HPSE2: variants seen among roughly 807,000 people sequenced by gnomAD.
The protein encoded by HPSE2 is inactive heparanase-2.
In HPSE2, 38 loss-of-function variants were observed where a neutral mutation model predicts 60.5. The ratio of observed to expected loss-of-function variants is 0.63; its 90% CI spans 0.48 to 0.82. The LOEUF is 0.82. Ranked by LOEUF, HPSE2 falls within the 40% of genes least tolerant of loss-of-function variation. The pLI is 0.00. For missense variants in HPSE2, 713 were observed against 740.4 expected, an observed-to-expected ratio of 0.96 and a Z score of 0.43; for synonymous variants, 295 against 293.2, an observed-to-expected ratio of 1.01 and a Z score of -0.06.
intron 9 of HPSE2, among the ~76,000 whole-genome samples, chr10:98,514,251 T>C (rs1942516348): frequency 6.6e-6 from 1 of 152,142 alleles, no homozygotes; most frequent in Non-Finnish European, 1.5e-5. Flanking sequence ...AGAATAAGGT[T>C]ACCAAAGGTG....
intron 1 of HPSE2, among the ~76,000 whole-genome samples, chr10:99,234,121 T>G (rs900288064): frequency 6.6e-6 from 1 of 152,230 alleles, no homozygotes; most frequent in Non-Finnish European, 1.5e-5. Context: ...CGCGCTCTGC[T>G]GCACGAAAGA....
intron 5 of HPSE2, among the ~76,000 whole-genome samples, chr10:98,710,495 G>A (rs749255312): frequency 1.3e-5 from 2 of 152,070 alleles, no homozygotes; most frequent in Non-Finnish European, 2.9e-5. Flanking sequence ...GAATTAAGAT[G>A]GGTGAGACTC....
the HPSE2 span, among the ~76,000 whole-genome samples, chr10:99,296,946 A>G: frequency 1.3e-5 from 2 of 152,302 alleles, 1 homozygote; most frequent in South Asian, 4.2e-4. Flanking sequence ...GGAAGGCAGG[A>G]CAGCAGTCAG....
At chr10:98,546,064 G>T (rs1018609931) in intron 9 of HPSE2, among the ~76,000 whole-genome samples, 1 of 129,632 alleles carries the variant, frequency 7.7e-6, no homozygotes, top group African/African-American at 2.7e-5. Context: ...TTGCTTCAAA[G>T]AGAATAAAAT....
intron 3 of HPSE2, among the ~76,000 whole-genome samples, chr10:98,755,909 C>A (rs549395927): frequency 6.6e-6 from 1 of 152,176 alleles, no homozygotes; most frequent in African/African-American, 2.4e-5. Flanking sequence ...GGTGAGAGAA[C>A]TGCTTGAACC....
At chr10:98,701,913 T>C (rs1948421349) in intron 5 of HPSE2, among the ~76,000 whole-genome samples, 1 of 152,190 alleles carries the variant, frequency 6.6e-6, no homozygotes, top group African/African-American at 2.4e-5. Flanking sequence ...GTGTGCAAAA[T>C]AACCAGATAG....
At chr10:99,123,542 A>G (rs1413248493) in intron 3 of HPSE2, among the ~76,000 whole-genome samples, 1 of 152,152 alleles carries the variant, frequency 6.6e-6, no homozygotes, top group East Asian at 1.9e-4. Flanking sequence ...TGCCCACAAC[A>G]AGGCAAGTGG....
intron 2 of HPSE2, among the ~76,000 whole-genome samples, chr10:99,165,642 G>A (rs1056193559): frequency 6.6e-6 from 1 of 151,936 alleles, no homozygotes; most frequent in Non-Finnish European, 1.5e-5. Context: ...CACCTCCTGG[G>A]TTCAAGTGAT....
intron 3 of HPSE2, among the ~76,000 whole-genome samples, chr10:99,082,409 T>C (rs1230001256): frequency 6.6e-6 from 1 of 152,210 alleles, no homozygotes; most frequent in Admixed American, 6.5e-5. Flanking sequence ...TTTCATATCT[T>C]TGTTAAGGCT....
chr10:98,598,730 G>C (rs1945315702), intron 9 of HPSE2, among the ~76,000 whole-genome samples: 1 of 151,802 alleles, frequency 6.6e-6, no homozygotes, highest in Non-Finnish European at 1.5e-5. Context: ...GATCTACTTG[G>C]GTGGGTCTTG....
At chr10:99,130,221 C>T (rs1845329866) in intron 3 of HPSE2, among the ~76,000 whole-genome samples, 1 of 151,994 alleles carries the variant, frequency 6.6e-6, no homozygotes, top group African/African-American at 2.4e-5. Context: ...TGGTAGCAAT[C>T]CTACTGACAC....
intron 9 of HPSE2, among the ~76,000 whole-genome samples, chr10:98,541,967 T>C (rs1943481512): frequency 6.7e-6 from 1 of 149,732 alleles, no homozygotes; most frequent in African/African-American, 2.4e-5. Context: ...AAGAGAGCAG[T>C]GGTTCTCCCA....
At chr10:99,276,939 C>T in the HPSE2 span, among the ~76,000 whole-genome samples, 1 of 152,276 alleles carries the variant, frequency 6.6e-6, no homozygotes, top group East Asian at 1.9e-4. Context: ...ACCATTTATA[C>T]TTCTGTCACC....
chr10:98,531,967 G>A (rs940028646), intron 9 of HPSE2, among the ~76,000 whole-genome samples: 2 of 152,186 alleles, frequency 1.3e-5, no homozygotes, highest in Admixed American at 6.5e-5. Context: ...ACTGTTAGTT[G>A]TTTTTTCATA....
chr10:98,728,030 T>C (rs1263787713), intron 4 of HPSE2, among the ~76,000 whole-genome samples: 1 of 152,068 alleles, frequency 6.6e-6, no homozygotes, highest in Non-Finnish European at 1.5e-5. Flanking sequence ...TGTGAGCAAA[T>C]ATGCCTTATA....
intron 3 of HPSE2, among the ~76,000 whole-genome samples, chr10:98,748,373 G>T (rs1949676669): frequency 6.6e-6 from 1 of 152,112 alleles, no homozygotes; most frequent in South Asian, 2.1e-4. Context: ...ACATATATTT[G>T]AATATAGAGA....
chr10:98,865,093 T>G (rs1952556579), intron 3 of HPSE2, among the ~76,000 whole-genome samples: 1 of 152,096 alleles, frequency 6.6e-6, no homozygotes, highest in Admixed American at 6.6e-5. Context: ...TCTTAAGAGA[T>G]GATCTCAATT....
intron 3 of HPSE2, among the ~76,000 whole-genome samples, chr10:99,021,923 G>A (rs1957272165): frequency 6.6e-6 from 1 of 151,484 alleles, no homozygotes; most frequent in Admixed American, 6.6e-5. Context: ...TTAAGTTTTA[G>A]GGTACATGTG....
At chr10:98,995,307 GATA>G (rs749645663) in intron 3 of HPSE2, among the ~76,000 whole-genome samples, 2 of 152,080 alleles carry the variant, frequency 1.3e-5, no homozygotes, top group African/African-American at 2.4e-5. Context: ...TTTAAATGTA[GATA>G]ATAATAATTC....
Sources: allele counts gnomAD v4.1 joint callset (sites outside exome capture counted in the v4.1 genomes callset), GRCh38; gene constraint gnomAD v4.1.1; transcripts MANE v1.5; gene names NCBI Gene and HGNC (gene_info 2026-07-23, HGNC 2026-07-21).